Variants in QRFPR observed in about 807,000 individuals in gnomAD.
The protein encoded by QRFPR is pyroglutamylated RF-amide peptide receptor.
Under a neutral mutation model 31.3 loss-of-function variants are expected in QRFPR, and 37 were observed. The ratio of observed to expected loss-of-function variants is 1.18; its 90% CI spans 0.91 to 1.56. QRFPR has a LOEUF of 1.56. QRFPR is among the 40% of genes most tolerant of loss of function. The probability of loss-of-function intolerance (pLI) is 0.00; values close to 1 mark genes in which losing one functional copy is unlikely to be tolerated. For synonymous variants in QRFPR, 197 were observed against 192.0 expected, an observed-to-expected ratio of 1.03 and a Z score of -0.22; for missense variants, 542 against 532.5, an observed-to-expected ratio of 1.02 and a Z score of -0.18.
intron 5 of QRFPR, among the ~76,000 whole-genome samples, 164 bp from the exon 6 acceptor site, chr4:121,329,878 C>T (rs2110465192): frequency 6.6e-6 from 1 of 152,264 alleles, no homozygotes; most frequent in African/African-American, 2.4e-5. Context: ...ATAAAAACAA[C>T]CTTTGTGATG....
intron 2 of QRFPR, among the ~76,000 whole-genome samples, chr4:121,338,069 G>A (rs1725467106): frequency 6.6e-6 from 1 of 152,086 alleles, no homozygotes; most frequent in Admixed American, 6.5e-5. Context: ...CACATAATTT[G>A]GTGCTGCCTA....
At chr4:121,355,674 C>T (rs973707431) in intron 1 of QRFPR, among the ~76,000 whole-genome samples, 8 of 151,840 alleles carry the variant, frequency 5.3e-5, no homozygotes, top group African/African-American at 1.7e-4. Flanking sequence ...AGGTTTTCTG[C>T]TTTTCTGATG....
At chr4:121,343,520 A>G (rs1725583621) in intron 1 of QRFPR, among the ~76,000 whole-genome samples, 1 of 152,194 alleles carries the variant, frequency 6.6e-6, no homozygotes, top group Non-Finnish European at 1.5e-5. Flanking sequence ...ATTTACTTTC[A>G]ATGTTAATAA....
intron 1 of QRFPR, among the ~76,000 whole-genome samples, chr4:121,367,049 T>G (rs1298290477): frequency 6.7e-6 from 1 of 150,038 alleles, no homozygotes; most frequent in Non-Finnish European, 1.5e-5. Context: ...GTCATGTACC[T>G]CTTTAGGCTA....
chr4:121,380,629 T>C lies in QRFPR; in HGVS notation c.19A>G (p.Thr7Ala). The C allele has an allele frequency of 6.3e-7, 1 of 1,576,266 alleles. No individual in the cohort carries two copies. The highest frequency in any genetic ancestry group is 8.6e-7 in the Non-Finnish European group (1 of 1,157,802). The change falls in exon 1 of 6, where the codon ACC becomes GCC. Residue 7 changes from threonine (T) to alanine (A), a missense_variant. Coordinates refer to ENST00000394427, the MANE Select transcript of QRFPR (RefSeq NM_198179.3). Reference sequence around the variant, plus strand: ...AGCAGCCGAGAGAACTGCTCCGGGGTAATGTTAAGCGCCTGCATTGCTGTG... The same window carrying C: ...AGCAGCCGAGAGAACTGCTCCGGGGCAATGTTAAGCGCCTGCATTGCTGTG... MQALNITPEQFSRLLRD... is the reference protein window; with the variant it reads MQALNIAPEQFSRLLRD...
At chr4:121,378,396 G>T (rs1326090567) in intron 1 of QRFPR, among the ~76,000 whole-genome samples, 3 of 150,130 alleles carry the variant, frequency 2.0e-5, no homozygotes, top group Non-Finnish European at 4.4e-5. Flanking sequence ...CTAAAGATCT[G>T]GCTCACTGCA....
At chr4:121,365,518 TATATATATTA>T in intron 1 of QRFPR, among the ~76,000 whole-genome samples, 1 of 3,170 alleles carries the variant, frequency 3.2e-4, no homozygotes, top group African/African-American at 2.6e-3. Context: ...TAATATATAT[TATATATATTA>T]TATATAATAT....
At chr4:121,330,400 A>T (rs1226852841) in intron 5 of QRFPR, 26 bp downstream of exon 5, 1 of 1,461,220 alleles carries the variant, frequency 6.8e-7, no homozygotes, top group Non-Finnish European at 9.6e-7. Context: ...GAGAATGTCT[A>T]TCAAATGAGA....
intron 1 of QRFPR, among the ~76,000 whole-genome samples, chr4:121,365,628 T>A (rs1449515936): frequency 4.0e-5 from 1 of 25,270 alleles, no homozygotes; most frequent in African/African-American, 2.1e-4. Flanking sequence ...ATATTATATA[T>A]TATATATATA....
chr4:121,329,458 C>T lies in QRFPR; in HGVS notation c.1152G>A (p.Glu384=). The change falls in exon 6 of 6, where the codon GAG becomes GAA. Residue 384 remains glutamate, a synonymous_variant. Transcript: ENST00000394427. ...CACTGAATGCTTCTCCTTTGGTTTC[C>T]TCCACTGGATTCTCTCTGAGGGAAA... is the stretch of plus-strand genomic sequence containing the variant. ...AKFSLRENPV[E]ETKGEAFSDG... is the part of the protein sequence containing the mutation. The T allele has an allele frequency of 6.2e-7, 1 of 1,614,156 alleles. No individual in the cohort carries two copies. The highest frequency in any genetic ancestry group is 8.5e-7 in the Non-Finnish European group (1 of 1,180,004).
At chr4:121,350,869 T>C (rs1041018225) in intron 1 of QRFPR, among the ~76,000 whole-genome samples, 3 of 152,216 alleles carry the variant, frequency 2.0e-5, no homozygotes, top group African/African-American at 7.2e-5. Flanking sequence ...TGAGGAGACA[T>C]TCTTATGGAT....
intron 4 of QRFPR, among the ~76,000 whole-genome samples, chr4:121,332,503 A>T (rs1231980188): frequency 6.6e-6 from 1 of 152,078 alleles, no homozygotes; most frequent in Non-Finnish European, 1.5e-5. Flanking sequence ...CTGGTGAGTG[A>T]TAGAGAGAGT....
chr4:121,365,506 T>TA (rs1467762604), intron 1 of QRFPR, among the ~76,000 whole-genome samples: 461 of 1,808 alleles, frequency 0.25, 100 homozygotes, highest in African/African-American at 0.49. Flanking sequence ...ATATAATATA[T>TA]ATAATATATA....
chr4:121,351,018 T>C (rs1725751689), intron 1 of QRFPR, among the ~76,000 whole-genome samples: 1 of 152,190 alleles, frequency 6.6e-6, no homozygotes, highest in Admixed American at 6.5e-5. Flanking sequence ...GATGGGTTGA[T>C]CTGTGCAGCA....
At chr4:121,357,565 G>A (rs1725896362) in intron 1 of QRFPR, among the ~76,000 whole-genome samples, 3 of 152,090 alleles carry the variant, frequency 2.0e-5, no homozygotes, top group Non-Finnish European at 2.9e-5. Flanking sequence ...CCCTACACTG[G>A]GAATTCTAAG....
intron 1 of QRFPR, chr4:121,369,701 T>A: frequency 6.3e-7 from 1 of 1,586,418 alleles, no homozygotes; most frequent in Non-Finnish European, 8.6e-7. Context: ...CAAGTTTCTG[T>A]CCTTATCCCC....
chr4:121,380,205 GAGA>G, intron 1 of QRFPR, 100 bp downstream of exon 1: 12 of 326,442 alleles, frequency 3.7e-5, no homozygotes, highest in Non-Finnish European at 6.0e-5. Flanking sequence ...GAGAGAGAGA[GAGA>G]GAGAGAGAGA....
Position 121,380,497 on chromosome 4 carries a change from T to A in QRFPR, c.151A>T (p.Thr51Ser). Reference protein sequence around the residue: ...PGRAKLALVLTGVLIFALALF... With the variant: ...PGRAKLALVLSGVLIFALALF... ...GCCAGGGCGAAGATGAGCACGCCGG[T>A]GAGCACGAGGGCCAGCTTGGCGCGT... Residue 51 changes from threonine (T) to serine (S), a missense_variant, in exon 1 of 6, where the codon ACC (threonine) becomes TCC (serine). By Grantham distance (58) the Thr-to-Ser change is moderately conservative (BLOSUM62 1). Transcript: ENST00000394427. The A allele has an allele frequency of 6.2e-7, 1 of 1,614,202 alleles. No homozygotes were observed. The highest frequency in any genetic ancestry group is 8.5e-7 in the Non-Finnish European group (1 of 1,180,032).
intron 1 of QRFPR, among the ~76,000 whole-genome samples, chr4:121,359,435 A>T (rs754269771): frequency 2.0e-5 from 3 of 151,924 alleles, no homozygotes; most frequent in Non-Finnish European, 2.9e-5. Flanking sequence ...GGCAGAAAAA[A>T]CTTGAAAAGG....
Sources: gnomAD v4.1 joint callset for allele counts (sites outside exome capture counted in the v4.1 genomes callset) on GRCh38, gnomAD v4.1.1 for gene constraint, MANE v1.5 for transcripts, NCBI Gene and HGNC (gene_info 2026-07-23, HGNC 2026-07-21) for gene names.